Variants in NALCN observed in about 807,000 individuals in gnomAD.
The protein encoded by NALCN is sodium leak channel, non-selective, also known as sodium leak channel NALCN.
A neutral mutation model predicts 225.3 loss-of-function variants in NALCN; 111 were observed. That is an observed-to-expected ratio of 0.49 (90% confidence interval 0.42 to 0.58). The LOEUF (loss-of-function observed/expected upper bound fraction) is 0.58, where lower values mean the gene tolerates loss of function less well. NALCN is among the 20% of genes least tolerant of loss of function. The pLI is 0.00. For synonymous variants in NALCN, 764 were observed against 769.0 expected (o/e 0.99, Z 0.11); for missense variants, 1,378 against 2,202.4 (o/e 0.63, Z 7.49).
chr13:101,142,917 A>T (rs754295390), intron 17 of NALCN, 163 bp downstream of exon 17: 1 of 1,002,906 alleles, frequency 1.0e-6, no homozygotes, highest in Non-Finnish European at 1.5e-6. Flanking sequence ...CAATGCATAG[A>T]GTAAAAAATG....
chr13:101,260,014 C>G (rs1324114735), intron 10 of NALCN, among the ~76,000 whole-genome samples: 6 of 151,890 alleles, frequency 4.0e-5, no homozygotes, highest in Non-Finnish European at 7.4e-5. Context: ...CCCTGCCTCC[C>G]CCCGTCCCCC....
intron 16 of NALCN, 55 bp downstream of exon 16, chr13:101,144,705 T>C: frequency 6.4e-7 from 1 of 1,557,628 alleles, no homozygotes; most frequent in African/African-American, 1.4e-5. Context: ...AGATTTAAGA[T>C]GATGAATCTT....
intron 1 of NALCN, among the ~76,000 whole-genome samples, chr13:101,408,671 T>G (rs1053332868): frequency 6.6e-6 from 1 of 152,188 alleles, no homozygotes; most frequent in Non-Finnish European, 1.5e-5. Flanking sequence ...CTTCTCTTTT[T>G]CTTTCTGCCT....
chr13:101,202,947 G>A (rs1479591979), intron 13 of NALCN, among the ~76,000 whole-genome samples: 1 of 152,176 alleles, frequency 6.6e-6, no homozygotes, highest in Non-Finnish European at 1.5e-5. Flanking sequence ...CTCAGCCTCT[G>A]CTTTCACAGC....
At chr13:101,385,664 G>A (rs932227781) in intron 3 of NALCN, among the ~76,000 whole-genome samples, 8 of 152,272 alleles carry the variant, frequency 5.3e-5, no homozygotes, top group Non-Finnish European at 1.2e-4. Context: ...GCCCAATCTT[G>A]TACCAGCATT....
chr13:101,155,994 CTTTA>C (rs1343359573), intron 15 of NALCN, among the ~76,000 whole-genome samples: 1 of 152,028 alleles, frequency 6.6e-6, no homozygotes, highest in Non-Finnish European at 1.5e-5. Flanking sequence ...GTCCCTCCTC[CTTTA>C]TTTATTTATT....
intron 14 of NALCN, among the ~76,000 whole-genome samples, chr13:101,182,227 GA>G (rs1284442892): frequency 6.7e-6 from 1 of 149,570 alleles, no homozygotes; most frequent in Non-Finnish European, 1.5e-5. Flanking sequence ...GATAAACAGA[GA>G]AAAGCCACCC....
rs58534978 is a variant in NALCN at position 101,160,175 on chromosome 13, C to T, written c.1840-15279G>A. ...TTCACCATGTTAGCCAGGATGGTCT[C>T]GATCTCCTGACCTTGTGATCTGCCC... is the stretch of plus-strand genomic sequence containing the variant. On this transcript the variant is annotated intron_variant, in intron 15 of 43. Transcript: ENST00000251127. 9.3e-3 allele frequency among the ~76,000 whole-genome samples: 1,411 copies of T among 152,154 alleles called. 23 individuals are homozygous for T. Among genetic ancestry groups the T allele is most frequent in the African/African-American group, 0.032 (1,314 of 41,480 alleles).
chr13:101,191,832 G>A, intron 14 of NALCN, 85 bp downstream of exon 14: 2 of 1,424,642 alleles, frequency 1.4e-6, no homozygotes, highest in African/African-American at 1.5e-5. Context: ...CTCCCATTTT[G>A]AAATTGACAA....
chr13:101,304,881 G>A (rs566888997), intron 7 of NALCN, among the ~76,000 whole-genome samples: 72 of 147,276 alleles, frequency 4.9e-4, no homozygotes, highest in Non-Finnish European at 8.6e-4. Flanking sequence ...TCAGCCTCCC[G>A]AGTAGCTGCG....
intron 16 of NALCN, among the ~76,000 whole-genome samples, chr13:101,144,188 A>G (rs915026355): frequency 6.6e-5 from 10 of 152,200 alleles, no homozygotes; most frequent in Admixed American, 6.5e-4. Flanking sequence ...TCTTTTATGC[A>G]TTTGCTTAAC....
intron 15 of NALCN, among the ~76,000 whole-genome samples, chr13:101,155,541 C>T (rs1288797329): frequency 6.6e-6 from 1 of 152,136 alleles, no homozygotes; most frequent in South Asian, 2.1e-4. Flanking sequence ...ACGCCCTTCT[C>T]GTCATATCAG....
intron 7 of NALCN, among the ~76,000 whole-genome samples, chr13:101,325,474 C>G (rs976311717): frequency 4.6e-5 from 7 of 152,202 alleles, no homozygotes; most frequent in Admixed American, 2.0e-4. Context: ...TTACACAAAA[C>G]AGCCAGCTGC....
Position 101,400,116 on chromosome 13 carries a change from G to T in NALCN, c.-39-951C>A, listed in dbSNP as rs77342836. On this transcript the variant is annotated intron_variant, in intron 1 of 43. Transcript: ENST00000251127. ...TACTATGTTTGGGACACTTAGCAAT[G>T]ATATTTTATTTGATCTTTACAACAG... is the stretch of plus-strand genomic sequence containing the variant. Among the ~76,000 whole-genome samples the T allele has an allele frequency of 3.3e-3, 495 of 151,014 alleles. 4 individuals carry two copies. The highest frequency in any genetic ancestry group is 0.011 in the African/African-American group (447 of 40,646).
chr13:101,065,633 A>T, intron 39 of NALCN, 72 bp from the exon 40 acceptor site: 2 of 1,545,726 alleles, frequency 1.3e-6, no homozygotes, highest in Non-Finnish European at 1.7e-6. Flanking sequence ...CAAAAGAAAA[A>T]AAAAAAGGTG....
chr13:101,366,341 G>A (rs943506563), intron 6 of NALCN, among the ~76,000 whole-genome samples: 3 of 152,116 alleles, frequency 2.0e-5, no homozygotes, highest in Non-Finnish European at 2.9e-5. Context: ...ATATTGTGTT[G>A]CTTCTTTATC....
Position 101,254,736 on chromosome 13 carries a change from A to C in NALCN, c.1266+3707T>G, listed in dbSNP as rs1480770910. Among the ~76,000 whole-genome samples, 8 of 117,388 alleles carry C rather than the reference A, an allele frequency of 6.8e-5. 1 individual carries two copies. The highest frequency in any genetic ancestry group is 2.3e-4 in the African/African-American group (8 of 34,872). The allele number at this position is 117,388 out of a possible 152,430, so 77.0% of individuals were successfully genotyped here. ...GAAACCCCGTCTCTACTAAAAATAC[A>C]AAAAATTAGCCGGGCGTAGTGGCGG... On this transcript the variant is annotated intron_variant, in intron 11 of 43. Transcript: ENST00000251127.
At chr13:101,203,018 G>A (rs1178056984) in intron 13 of NALCN, among the ~76,000 whole-genome samples, 2 of 152,156 alleles carry the variant, frequency 1.3e-5, no homozygotes, top group African/African-American at 4.8e-5. Context: ...GCCGTCCTGA[G>A]ACCAGCCTTT....
At chr13:101,136,454 C>T (rs561548717) in intron 17 of NALCN, among the ~76,000 whole-genome samples, 5 of 142,234 alleles carry the variant, frequency 3.5e-5, no homozygotes, top group Non-Finnish European at 7.6e-5. Context: ...TCCCTCCCCC[C>T]TCCCCCTGCC....
Sources: gnomAD v4.1 joint callset for allele counts (sites outside exome capture counted in the v4.1 genomes callset) on GRCh38, gnomAD v4.1.1 for gene constraint, MANE v1.5 for transcripts, NCBI Gene and HGNC (gene_info 2026-07-23, HGNC 2026-07-21) for gene names.